The following DST variants were observed in gnomAD, a reference collection of about 807,000 sequenced individuals.
The protein encoded by DST is bullous pemphigoid antigen.
Under a neutral mutation model 875.2 loss-of-function variants are expected in DST, and 253 were observed. The observed-to-expected ratio is 0.29, with a 90% CI of 0.26 to 0.32. The LOEUF (loss-of-function observed/expected upper bound fraction) is 0.32, where lower values mean the gene tolerates loss of function less well. DST is among the 10% of genes least tolerant of loss of function. The pLI, the probability that DST is intolerant of heterozygous loss-of-function variation, is 1.00. For synonymous variants in DST, 3,124 were observed against 3,197.1 expected (o/e 0.98, Z 0.77); for missense variants, 8,287 against 9,111.6 (o/e 0.91, Z 3.68).
chr6:56,651,342 T>C, intron 10 of DST, 98 bp from the exon 11 acceptor site: 1 of 648,342 alleles, frequency 1.5e-6, no homozygotes, highest in Non-Finnish European at 2.5e-6. Flanking sequence ...CATCTGCTAA[T>C]ATTAACACCA....
At chr6:56,840,350 T>G (rs956830644) in intron 4 of DST, among the ~76,000 whole-genome samples, 3 of 152,210 alleles carry the variant, frequency 2.0e-5, no homozygotes, top group African/African-American at 7.2e-5. Flanking sequence ...GATAATTTAC[T>G]ATAGATATAA....
chr6:56,776,432 A>G (rs2099679325), intron 4 of DST, among the ~76,000 whole-genome samples: 1 of 152,230 alleles, frequency 6.6e-6, no homozygotes, highest in Non-Finnish European at 1.5e-5. Context: ...ATTAAAGATT[A>G]TGTACCAGTG....
intron 53 of DST, among the ~76,000 whole-genome samples, chr6:56,571,730 CA>C (rs2054850199): frequency 2.0e-5 from 3 of 152,122 alleles, no homozygotes; most frequent in African/African-American, 7.2e-5. Flanking sequence ...GCTCAGAAAG[CA>C]AAGAACCACG....
chr6:56,749,753 G>A (rs751811027), intron 4 of DST, among the ~76,000 whole-genome samples: 1 of 152,142 alleles, frequency 6.6e-6, no homozygotes, highest in East Asian at 1.9e-4. Flanking sequence ...GTCACAGAGT[G>A]AGTCATCAGC....
intron 5 of DST, among the ~76,000 whole-genome samples, chr6:56,711,574 C>T (rs934335090): frequency 2.0e-5 from 3 of 152,090 alleles, no homozygotes; most frequent in African/African-American, 7.2e-5. Flanking sequence ...TGTAATGTAA[C>T]TGAAAGGGAG....
chr6:56,650,661 T>G (rs923169569), intron 12 of DST, among the ~76,000 whole-genome samples: 3 of 152,192 alleles, frequency 2.0e-5, no homozygotes, highest in Non-Finnish European at 4.4e-5. Flanking sequence ...TTTCAGAAAG[T>G]TAAACCTTTT....
chr6:56,529,460 C>T lies in DST; in HGVS notation c.17583G>A (p.Gln5861=), dbSNP rs939286423. The change falls in exon 66 of 104, where the codon CAG becomes CAA. Residue 5861 remains glutamine, a synonymous_variant. Coordinates refer to ENST00000680361, the MANE Select transcript of DST (RefSeq NM_001374736.1). ...DYSTEGLWKQ[Q]SELRVLQEDI... ...TAAATCAAAATACCCGAAGTTCAGACTGCTGCTTCCATAGCCCCTCAGTGC... is the reference window on the plus strand; with the variant it reads ...TAAATCAAAATACCCGAAGTTCAGATTGCTGCTTCCATAGCCCCTCAGTGC... 4.0e-6 allele frequency: 6 copies of T among 1,493,534 alleles called. No individual in the cohort carries two copies. The African/African-American group carries it at 8.5e-5, about 21-fold the overall frequency. The allele number at this position is 1,493,534 out of a possible 1,614,324, so 92.5% of individuals were successfully genotyped here. A position where few individuals can be genotyped will look rare whatever the true frequency, so the allele number is the denominator to read the frequency against.
At chr6:56,894,421 A>G (rs1789739575) in intron 3 of DST, among the ~76,000 whole-genome samples, 1 of 57,744 alleles carries the variant, frequency 1.7e-5, no homozygotes, top group South Asian at 6.2e-4. Context: ...ACTTCCCAGT[A>G]GGGGCGGCCG....
intron 3 of DST, among the ~76,000 whole-genome samples, chr6:56,878,617 A>G (rs1367964018): frequency 6.6e-6 from 1 of 152,182 alleles, no homozygotes; most frequent in South Asian, 2.1e-4. Context: ...CTTTTCCCAG[A>G]TGAAAGGAAA....
chr6:56,779,395 C>T (rs1179145836), intron 4 of DST, among the ~76,000 whole-genome samples: 1 of 151,978 alleles, frequency 6.6e-6, no homozygotes, highest in Non-Finnish European at 1.5e-5. Context: ...TTAAATAGAT[C>T]CCATTTGTCA....
At chr6:56,518,557 A>AACCC (rs1217010167) in intron 69 of DST, among the ~76,000 whole-genome samples, 1 of 152,222 alleles carries the variant, frequency 6.6e-6, no homozygotes, top group African/African-American at 2.4e-5. Flanking sequence ...TTATACAAAC[A>AACCC]ACCCTATAAT....
chr6:56,834,525 A>T (rs757966087), intron 4 of DST, among the ~76,000 whole-genome samples: 61 of 152,262 alleles, frequency 4.0e-4, no homozygotes, highest in Non-Finnish European at 7.4e-4. Flanking sequence ...TAAACCCAGG[A>T]GGCAGAGGTT....
intron 3 of DST, among the ~76,000 whole-genome samples, chr6:56,898,755 T>C (rs145978695): frequency 8.1e-4 from 124 of 152,336 alleles, no homozygotes; most frequent in African/African-American, 2.9e-3. Flanking sequence ...TTCTACTTTG[T>C]ACTTGGTAAA....
At chr6:56,931,056 T>C (rs926236905) in intron 2 of DST, among the ~76,000 whole-genome samples, 1 of 152,248 alleles carries the variant, frequency 6.6e-6, no homozygotes, top group African/African-American at 2.4e-5. Context: ...TAGCCTGGCA[T>C]AAATTAGGTT....
chr6:56,469,069 C>T, intron 97 of DST, 70 bp from the exon 98 acceptor site: 1 of 1,193,764 alleles, frequency 8.4e-7, no homozygotes, highest in Non-Finnish European at 1.2e-6. Context: ...GACTCTAGAA[C>T]ATACACACAT....
At chr6:56,630,782 T>C (rs1387303112) in intron 30 of DST, among the ~76,000 whole-genome samples, 1 of 145,074 alleles carries the variant, frequency 6.9e-6, no homozygotes, top group Non-Finnish European at 1.5e-5. Flanking sequence ...AAATAATGTA[T>C]TTCTTTTTTT....
At chr6:56,838,775 G>A (rs989989570) in intron 4 of DST, among the ~76,000 whole-genome samples, 18 of 152,248 alleles carry the variant, frequency 1.2e-4, no homozygotes, top group African/African-American at 4.1e-4. Flanking sequence ...CAATTTAATC[G>A]TAATTATTTG....
At position 56,463,146 on chromosome 6, in the gene DST, G is replaced by A. The variant is rs747627647; in HGVS notation, c.22970C>T (p.Pro7657Leu). ...TGGTTTACCATAATTGCGTGTTAAA[G>A]GATGGAGAATCTGTATGGAACAATG... ...PATTTPKILHPLTRNYGKPWL... is the reference protein window; with the variant it reads ...PATTTPKILHLLTRNYGKPWL... The change falls in exon 102 of 104, where the codon CCT becomes CTT. Residue 7657 changes from proline (P) to leucine (L), a missense_variant. Physicochemically the swap from Pro to Leu is moderately conservative, Grantham distance 98. Around this residue, in one of 10 missense-constraint regions of DST, gnomAD observed 240 missense variants for 237.3 expected, o/e 1.01. Transcript: ENST00000680361. The A allele has an allele frequency of 1.1e-5, 18 of 1,606,302 alleles. No individual in the cohort carries two copies. Among genetic ancestry groups the A allele is most frequent in the Non-Finnish European group, 1.4e-5 (17 of 1,173,102 alleles).
At chr6:56,589,414 G>A (rs1310499236) in intron 49 of DST, among the ~76,000 whole-genome samples, 1 of 152,178 alleles carries the variant, frequency 6.6e-6, no homozygotes, top group Non-Finnish European at 1.5e-5. Flanking sequence ...GTTAATTACA[G>A]TATTCAAATG....
Sources: allele counts gnomAD v4.1 joint callset (sites outside exome capture counted in the v4.1 genomes callset), GRCh38; gene constraint gnomAD v4.1.1; regional missense constraint gnomAD v4.1.1; transcripts MANE v1.5; gene names NCBI Gene and HGNC (gene_info 2026-07-23, HGNC 2026-07-21).